COLGALT2: variants seen among roughly 807,000 people sequenced by gnomAD.
COLGALT2 encodes the protein procollagen galactosyltransferase 2.
Under a neutral mutation model 73.4 loss-of-function variants are expected in COLGALT2, and 49 were observed. The ratio of observed to expected loss-of-function variants is 0.67; its 90% CI spans 0.53 to 0.85. The LOEUF (loss-of-function observed/expected upper bound fraction) is 0.85. COLGALT2 is among the 40% of genes least tolerant of loss of function. COLGALT2 has a pLI of 0.00. For synonymous variants in COLGALT2, 295 were observed against 307.6 expected, an observed-to-expected ratio of 0.96 and a Z score of 0.43; for missense variants, 722 against 790.2, an observed-to-expected ratio of 0.91 and a Z score of 1.03.
intron 10 of COLGALT2, among the ~76,000 whole-genome samples, chr1:183,941,903 A>G: frequency 6.7e-6 from 1 of 148,980 alleles, no homozygotes; most frequent in African/African-American, 2.4e-5. Flanking sequence ...TGTGAAATAT[A>G]TATATTTTTT....
At chr1:184,025,880 G>A (rs959558979) in intron 1 of COLGALT2, among the ~76,000 whole-genome samples, 2 of 152,196 alleles carry the variant, frequency 1.3e-5, no homozygotes, top group African/African-American at 4.8e-5. Context: ...CTTCAGATAT[G>A]GTTATCCCCA....
chr1:183,930,434 C>T (rs1669817976), intron 11 of COLGALT2: 2 of 378,832 alleles, frequency 5.3e-6, no homozygotes. Context: ...CACTCTGTCA[C>T]CCAGGCTGGA....
downstream of COLGALT2, among the ~76,000 whole-genome samples, chr1:183,932,487 G>A (rs1235429342): frequency 1.3e-5 from 2 of 152,042 alleles, no homozygotes; most frequent in East Asian, 3.9e-4. Flanking sequence ...CTCCCGGGAG[G>A]AGCCAAATGG....
chr1:183,961,531 T>C (rs924382004), intron 6 of COLGALT2, among the ~76,000 whole-genome samples: 1 of 152,126 alleles, frequency 6.6e-6, no homozygotes, highest in Non-Finnish European at 1.5e-5. Context: ...TAGCAACACC[T>C]CATTATTTTA....
intron 2 of COLGALT2, among the ~76,000 whole-genome samples, chr1:183,976,137 T>C (rs1364151965): frequency 6.6e-6 from 1 of 152,114 alleles, no homozygotes; most frequent in Non-Finnish European, 1.5e-5. Flanking sequence ...GACCTTGGCA[T>C]ATAATATATT....
chr1:183,976,824 T>C (rs940472383), intron 2 of COLGALT2, among the ~76,000 whole-genome samples: 1 of 152,212 alleles, frequency 6.6e-6, no homozygotes, highest in Non-Finnish European at 1.5e-5. Context: ...AGCAATACAA[T>C]TGTTGAGACA....
At chr1:183,999,453 A>G (rs950555431) in intron 1 of COLGALT2, among the ~76,000 whole-genome samples, 4 of 152,116 alleles carry the variant, frequency 2.6e-5, no homozygotes, top group African/African-American at 9.7e-5. Context: ...TTTTAGTATT[A>G]CGTTATGTTA....
downstream of COLGALT2, among the ~76,000 whole-genome samples, chr1:183,933,738 C>A (rs1669890390): frequency 6.6e-6 from 1 of 150,784 alleles, no homozygotes; most frequent in Admixed American, 6.6e-5. Flanking sequence ...CAAAGCCTTG[C>A]CAGGTCCATG....
In COLGALT2 at chr1:184,037,240, C is replaced by A; in HGVS notation, c.118G>T (p.Glu40Ter). 6.3e-7 allele frequency: 1 copy of A among 1,583,632 alleles called. No individual in the cohort carries two copies. Among genetic ancestry groups the A allele is most frequent in the East Asian group, 2.3e-5 (1 of 43,358 alleles). ...GACTCCGGGAAAACCACCGGCTCCT[C>A]TCCGTCGTCCTCCGAGTCCCGCTCG... ...VAERDSEDDG[E>*]EPVVFPESPL... Residue 40 changes from glutamate to a stop codon, truncating the protein, a stop_gained, in exon 1 of 12, where the codon GAG (glutamate) becomes TAG (stop). Coordinates refer to ENST00000361927, the MANE Select transcript of COLGALT2 (RefSeq NM_015101.4). LOFTEE classifies it high-confidence loss of function.
chr1:183,936,849 TAGA>T lies in COLGALT2; in HGVS notation c.*1909_*1911del, dbSNP rs771304537. The T allele has an allele frequency of 8.1e-7, 1 of 1,231,696 alleles. No homozygotes were observed. Among genetic ancestry groups the T allele is most frequent in the Non-Finnish European group, 1.0e-6 (1 of 988,016 alleles). The allele number at this position is 1,231,696 out of a possible 1,614,324, so 76.3% of individuals were successfully genotyped here. A position where few individuals can be genotyped will look rare whatever the true frequency, so the allele number is the denominator to read the frequency against. On this transcript the variant is annotated 3_prime_UTR_variant, in exon 12 of 12. Transcript: ENST00000361927. ...CAGCGGCCTAGCTTGCTGGTCAGTGTAGAAGGGTACCCACAGTGAGTCGGGAAG... is the reference window on the plus strand; with the variant it reads ...CAGCGGCCTAGCTTGCTGGTCAGTGTAGGGTACCCACAGTGAGTCGGGAAG...
intron 1 of COLGALT2, among the ~76,000 whole-genome samples, chr1:183,994,454 C>A (rs1379402925): frequency 6.6e-6 from 1 of 150,470 alleles, no homozygotes; most frequent in African/African-American, 2.4e-5. Context: ...ATTAACCCTG[C>A]AAATTATTAT....
chr1:183,985,765 T>C (rs895580292), intron 1 of COLGALT2, among the ~76,000 whole-genome samples: 2 of 152,172 alleles, frequency 1.3e-5, no homozygotes, highest in African/African-American at 4.8e-5. Flanking sequence ...GCAAAATACA[T>C]TCCCCAGAGG....
chr1:184,010,932 G>A (rs1672217882), intron 1 of COLGALT2, among the ~76,000 whole-genome samples: 1 of 152,114 alleles, frequency 6.6e-6, no homozygotes, highest in African/African-American at 2.4e-5. Context: ...AGCCAATAGT[G>A]CCCTCCAGCC....
chr1:183,940,874 C>T, intron 10 of COLGALT2, 87 bp from the exon 11 acceptor site: 1 of 1,090,954 alleles, frequency 9.2e-7, no homozygotes, highest in Middle Eastern at 2.7e-4. Context: ...TACATAGATA[C>T]CTCTGAAATC....
intron 1 of COLGALT2, among the ~76,000 whole-genome samples, chr1:183,995,581 C>CA (rs1671749260): frequency 6.6e-6 from 1 of 152,232 alleles, no homozygotes; most frequent in African/African-American, 2.4e-5. Flanking sequence ...GTCAGGCTAG[C>CA]AAGCGCTCAA....
intron 8 of COLGALT2, among the ~76,000 whole-genome samples, chr1:183,948,406 G>C (rs1191456867): frequency 6.6e-6 from 1 of 152,160 alleles, no homozygotes; most frequent in East Asian, 1.9e-4. Context: ...TTATCCCAGG[G>C]TTGCAAGTTT....
intron 1 of COLGALT2, among the ~76,000 whole-genome samples, chr1:184,025,576 C>A (rs1649308880): frequency 6.6e-6 from 1 of 152,184 alleles, no homozygotes; most frequent in Admixed American, 6.5e-5. Context: ...AAGGAAGGAC[C>A]TCCTGGGCAG....
At chr1:183,997,571 TA>T in intron 1 of COLGALT2, among the ~76,000 whole-genome samples, 1 of 152,296 alleles carries the variant, frequency 6.6e-6, no homozygotes, top group African/African-American at 2.4e-5. Flanking sequence ...TGATGAGCTA[TA>T]AAAAAATTGC....
chr1:183,972,850 A>C (rs367866049), intron 4 of COLGALT2, among the ~76,000 whole-genome samples: 10 of 152,208 alleles, frequency 6.6e-5, no homozygotes, highest in South Asian at 6.2e-4. Flanking sequence ...TAGGCGCCCA[A>C]CACCACGCCT....
Sources: gnomAD v4.1 joint callset for allele counts (sites outside exome capture counted in the v4.1 genomes callset) on GRCh38, gnomAD v4.1.1 for gene constraint, MANE v1.5 for transcripts, NCBI Gene and HGNC (gene_info 2026-07-23, HGNC 2026-07-21) for gene names.